The following TMEM114 variants were observed in gnomAD, a reference collection of about 807,000 sequenced individuals.
TMEM114 encodes transmembrane protein 114.
TMEM114 carries 6 observed loss-of-function variants against 6.2 expected under a neutral mutation model. That is an observed-to-expected ratio of 0.97 (90% CI 0.53 to 1.91). The LOEUF (loss-of-function observed/expected upper bound fraction) is 1.91. TMEM114 is among the 40% of genes most tolerant of loss of function. The probability of loss-of-function intolerance (pLI) is 0.01; values close to 1 mark genes in which losing one functional copy is unlikely to be tolerated. For synonymous variants in TMEM114, 104 were observed against 73.0 expected (o/e 1.42, Z -2.16); for missense variants, 218 against 158.3 (o/e 1.38, Z -2.02).
At chr16:8,559,466 G>T (rs1901130731) in intron 2 of TMEM114, among the ~76,000 whole-genome samples, 1 of 152,180 alleles carries the variant, frequency 6.6e-6, no homozygotes, top group Non-Finnish European at 1.5e-5. Context: ...CCCGCCATGG[G>T]CTCCCTGAGC....
intron 2 of TMEM114, among the ~76,000 whole-genome samples, chr16:8,587,789 G>A (rs1902360716): frequency 6.6e-6 from 1 of 152,178 alleles, no homozygotes; most frequent in African/African-American, 2.4e-5. Flanking sequence ...GCTGCAGTGA[G>A]CTAAGACCGT....
chr16:8,562,613 T>G (rs1430472203), intron 2 of TMEM114, among the ~76,000 whole-genome samples: 2 of 148,814 alleles, frequency 1.3e-5, no homozygotes, highest in East Asian at 2.0e-4. Context: ...AGTGAGTGAA[T>G]GAGTGAGTGA....
At chr16:8,527,689 C>G in the TMEM114 span, among the ~76,000 whole-genome samples, 2 of 152,048 alleles carry the variant, frequency 1.3e-5, no homozygotes, top group Non-Finnish European at 2.9e-5. Context: ...CCCCACTATA[C>G]AGAAAAGGAA....
chr16:8,542,738 T>C (rs1900551781), intron 2 of TMEM114, among the ~76,000 whole-genome samples: 2 of 152,126 alleles, frequency 1.3e-5, no homozygotes, highest in African/African-American at 2.4e-5. Context: ...AATTGGAGCC[T>C]GGGGTTAGTG....
At chr16:8,555,829 G>A (rs1178079260) in intron 2 of TMEM114, among the ~76,000 whole-genome samples, 1 of 152,194 alleles carries the variant, frequency 6.6e-6, no homozygotes, top group Non-Finnish European at 1.5e-5. Context: ...CTACAATACA[G>A]AAGGAAGCTC....
intron 2 of TMEM114, among the ~76,000 whole-genome samples, chr16:8,538,598 C>T (rs1262513485): frequency 6.6e-6 from 1 of 152,044 alleles, no homozygotes; most frequent in Non-Finnish European, 1.5e-5. Context: ...AACTCCACAT[C>T]TTGGGTCCAC....
intron 2 of TMEM114, among the ~76,000 whole-genome samples, chr16:8,576,050 C>G (rs1018740811): frequency 2.6e-5 from 4 of 152,114 alleles, no homozygotes; most frequent in Non-Finnish European, 5.9e-5. Context: ...CTTGGAACTC[C>G]GACATCAGAC....
chr16:8,563,343 GAGTA>G (rs1901355501), intron 2 of TMEM114, among the ~76,000 whole-genome samples: 1 of 150,100 alleles, frequency 6.7e-6, no homozygotes, highest in Admixed American at 6.6e-5. Context: ...GTGAATGAGT[GAGTA>G]AATGAGTGAG....
chr16:8,562,026 GAATGAGTGAGTA>G (rs1329451846), intron 2 of TMEM114, among the ~76,000 whole-genome samples: 1 of 150,750 alleles, frequency 6.6e-6, no homozygotes, highest in African/African-American at 2.5e-5. Flanking sequence ...ATGTGTGAGT[GAATGAGTGAGTA>G]AATGAGTGAG....
intron 2 of TMEM114, among the ~76,000 whole-genome samples, chr16:8,547,371 GC>G (rs1900702044): frequency 7.0e-6 from 1 of 142,990 alleles, no homozygotes; most frequent in South Asian, 2.2e-4. Flanking sequence ...GAAGAGACGC[GC>G]TTTCTTTCTT....
At chr16:8,570,098 C>T in intron 3 of TMEM114, 93 bp from the exon 4 acceptor site, 1 of 1,448,394 alleles carries the variant, frequency 6.9e-7, no homozygotes, top group Non-Finnish European at 9.3e-7. Flanking sequence ...CGCTGCTCAG[C>T]GTCCAGCGTC....
At chr16:8,530,277 A>G in the TMEM114 span, among the ~76,000 whole-genome samples, 104,995 of 151,926 alleles carry the variant, frequency 0.69, 36,592 homozygotes, top group Non-Finnish European at 0.74. Context: ...TGGCATGATC[A>G]AGTCAATTGA....
At chr16:8,547,518 G>C (rs1900708115) in intron 2 of TMEM114, among the ~76,000 whole-genome samples, 2 of 151,306 alleles carry the variant, frequency 1.3e-5, no homozygotes, top group South Asian at 4.2e-4. Flanking sequence ...TCAGACTCCA[G>C]AGTGGCTGGG....
chr16:8,586,435 C>A (rs1189373463), intron 2 of TMEM114, among the ~76,000 whole-genome samples: 1 of 152,128 alleles, frequency 6.6e-6, no homozygotes, highest in Non-Finnish European at 1.5e-5. Context: ...CACAGAAGGC[C>A]TCTGTTTTGT....
intron 2 of TMEM114, among the ~76,000 whole-genome samples, chr16:8,544,151 C>G (rs1900593373): frequency 6.6e-6 from 1 of 152,168 alleles, no homozygotes; most frequent in Non-Finnish European, 1.5e-5. Flanking sequence ...ACTGACTTAT[C>G]AGTAGCAAGC....
At chr16:8,555,606 T>C (rs1398577096) in intron 2 of TMEM114, among the ~76,000 whole-genome samples, 1 of 152,184 alleles carries the variant, frequency 6.6e-6, no homozygotes. Flanking sequence ...GTCTTCAATC[T>C]GGTCCGGGGT....
At chr16:8,575,715 G>A (rs1316599926) in intron 2 of TMEM114, among the ~76,000 whole-genome samples, 1 of 152,248 alleles carries the variant, frequency 6.6e-6, no homozygotes, top group Non-Finnish European at 1.5e-5. Context: ...ATTGTGTACT[G>A]AGGAAGAGGT....
downstream of TMEM114, among the ~76,000 whole-genome samples, chr16:8,568,595 C>T (rs368129171): frequency 9.2e-5 from 14 of 152,302 alleles, no homozygotes; most frequent in African/African-American, 2.6e-4. Flanking sequence ...ATGATGAAGA[C>T]GATGATGCCA....
intron 2 of TMEM114, 74 bp downstream of exon 2, chr16:8,589,139 T>G: frequency 2.5e-6 from 1 of 397,886 alleles, no homozygotes; most frequent in East Asian, 3.6e-5. Context: ...GAAGCCCGGC[T>G]GTTTTGGGAA....
Sources: gnomAD v4.1 joint callset for allele counts (sites outside exome capture counted in the v4.1 genomes callset) on GRCh38, gnomAD v4.1.1 for gene constraint, MANE v1.5 for transcripts, NCBI Gene and HGNC (gene_info 2026-07-23, HGNC 2026-07-21) for gene names.